Variants in SOCS4 observed in about 807,000 individuals in gnomAD.
SOCS4 encodes the protein SH2 domain containing SOCS box protein.
In SOCS4, 20 loss-of-function variants were observed where a neutral mutation model predicts 34.1. The ratio of observed to expected loss-of-function variants is 0.59; its 90% CI spans 0.41 to 0.85. The LOEUF (loss-of-function observed/expected upper bound fraction) is 0.85, where lower values mean the gene tolerates loss of function less well. SOCS4 is among the 40% of genes least tolerant of loss of function. SOCS4 has a pLI of 0.00. For missense variants in SOCS4, 479 were observed against 532.4 expected (o/e 0.90, Z 0.99); for synonymous variants, 180 against 186.4 (o/e 0.97, Z 0.28).
At position 55,047,490 on chromosome 14, in the gene SOCS4, A is replaced by G. The variant is rs1253637144; in HGVS notation, c.*3126A>G. ...ACCATGCCATTCACTTAAATAATTC[A>G]TGAAGGGAATGGTTTAATTTAAAGG... On this transcript the variant is annotated 3_prime_UTR_variant, in exon 3 of 3. Transcript: ENST00000555846. 1.2e-5 allele frequency: 2 copies of G among 167,132 alleles called. No individual in the cohort carries two copies. The highest frequency in any genetic ancestry group is 2.9e-5 in the Non-Finnish European group (2 of 68,104). The allele number at this position is 167,132 out of a possible 1,614,324, so 10.4% of individuals were successfully genotyped here. A position where few individuals can be genotyped will look rare whatever the true frequency, so the allele number is the denominator to read the frequency against.
chr14:55,046,307 A>C lies in SOCS4; in HGVS notation c.*1943A>C, dbSNP rs1462496280. The C allele has an allele frequency of 6.0e-6, 1 of 166,886 alleles. No homozygotes were observed. Among genetic ancestry groups the C allele is most frequent in the Admixed American group, 6.5e-5 (1 of 15,274 alleles). 10.3% of individuals were successfully genotyped at this position (166,886 alleles called of 1,614,324 possible). On this transcript the variant is annotated 3_prime_UTR_variant, in exon 3 of 3. Transcript: ENST00000555846. Reference sequence around the variant, plus strand: ...ATATCCATCTTTGGTGAAAGAAAATAGTGTGGTAAGAGTACCCATGATTAT... The same window carrying C: ...ATATCCATCTTTGGTGAAAGAAAATCGTGTGGTAAGAGTACCCATGATTAT...
chr14:55,044,367 A>C lies in SOCS4; in HGVS notation c.*3A>C. On this transcript the variant is annotated 3_prime_UTR_variant, in exon 3 of 3. Coordinates refer to ENST00000555846, the MANE Select transcript of SOCS4 (RefSeq NM_199421.2). ...ATGCACCAGAACAGCAATGCTAGTA[A>C]CAGGATGGGAACATGGGAATGATAA... 6.3e-7 allele frequency: 1 copy of C among 1,590,896 alleles called. No individual in the cohort carries two copies. The highest frequency in any genetic ancestry group is 8.6e-7 in the Non-Finnish European group (1 of 1,166,838).
chr14:55,040,698 C>T (rs2042609841), intron 2 of SOCS4, among the ~76,000 whole-genome samples: 1 of 151,738 alleles, frequency 6.6e-6, no homozygotes, highest in Non-Finnish European at 1.5e-5. Flanking sequence ...GAGTCGAGAT[C>T]ATGCCACTGC....
chr14:55,040,664 T>A (rs555567014), intron 2 of SOCS4, among the ~76,000 whole-genome samples: 1 of 151,746 alleles, frequency 6.6e-6, no homozygotes, highest in Non-Finnish European at 1.5e-5. Flanking sequence ...GAATGGCATG[T>A]ACCCGGGAGG....
Position 55,043,366 on chromosome 14 carries a change from A to G in SOCS4, c.325A>G (p.Ser109Gly), listed in dbSNP as rs1402386120. The change falls in exon 3 of 3, where the codon AGT becomes GGT. Residue 109 changes from serine (S) to glycine (G), a missense_variant. Transcript: ENST00000555846. ...VGQCFPIKNCSSRHSSGLPSK... is the reference protein window; with the variant it reads ...VGQCFPIKNCGSRHSSGLPSK... ...GCAGTGTTTTCCAATAAAGAATTGT[A>G]GTAGTCGGCACTCTTCAGGGCTTCC... 6 of 1,614,242 alleles carry G rather than the reference A, an allele frequency of 3.7e-6. No homozygotes were observed. Among genetic ancestry groups the G allele is most frequent in the Non-Finnish European group, 5.1e-6 (6 of 1,180,032 alleles).
chr14:55,027,926 G>T (rs2042483620), intron 1 of SOCS4, among the ~76,000 whole-genome samples: 1 of 152,190 alleles, frequency 6.6e-6, no homozygotes, highest in Admixed American at 6.5e-5. Flanking sequence ...ACTTACATTT[G>T]ATCCATGCAA....
At chr14:55,028,053 A>T (rs1331426625) in intron 1 of SOCS4, among the ~76,000 whole-genome samples, 1 of 152,200 alleles carries the variant, frequency 6.6e-6, no homozygotes, top group South Asian at 2.1e-4. Context: ...TTTCATTTGT[A>T]CTTATCTTTG....
In SOCS4 at chr14:55,035,009, C is replaced by T. The variant is rs149459050; in HGVS notation, c.-91+3018C>T. The stretch of plus-strand genomic sequence containing the variant: ...CCAAGTAGCTGGGACTACAGGTGCA[C>T]GCCACCACACCCGGCTAATTTTTGT... On this transcript the variant is annotated intron_variant, in intron 2 of 2. Transcript: ENST00000555846. Among the ~76,000 whole-genome samples the T allele has an allele frequency of 2.8e-3, 422 of 152,084 alleles. 2 individuals are homozygous for T. The highest frequency in any genetic ancestry group is 9.6e-3 in the African/African-American group (399 of 41,500).
chr14:55,028,788 T>C (rs1256116700), intron 1 of SOCS4, among the ~76,000 whole-genome samples: 1 of 152,142 alleles, frequency 6.6e-6, no homozygotes, highest in Non-Finnish European at 1.5e-5. Flanking sequence ...AGCCTCCGAG[T>C]TTAACAGTCC....
intron 2 of SOCS4, among the ~76,000 whole-genome samples, chr14:55,033,108 A>G (rs1469559590): frequency 2.0e-5 from 3 of 152,200 alleles, no homozygotes; most frequent in African/African-American, 7.2e-5. Flanking sequence ...TAAAATTTTA[A>G]GAATTAATGA....
At chr14:55,037,902 A>T (rs1191055291) in intron 2 of SOCS4, among the ~76,000 whole-genome samples, 1 of 152,192 alleles carries the variant, frequency 6.6e-6, no homozygotes, top group Non-Finnish European at 1.5e-5. Flanking sequence ...TGCTTTCTCC[A>T]AATTCTGTAT....
intron 2 of SOCS4, among the ~76,000 whole-genome samples, chr14:55,037,465 A>T (rs979398429): frequency 2.0e-5 from 3 of 151,446 alleles, no homozygotes; most frequent in Admixed American, 6.6e-5. Flanking sequence ...TTTCCAAAAA[A>T]ATTCTTATTC....
chr14:55,040,758 GTTA>G (rs909855596), intron 2 of SOCS4, among the ~76,000 whole-genome samples: 1 of 151,816 alleles, frequency 6.6e-6, no homozygotes, highest in East Asian at 1.9e-4. Context: ...AAAAAAGAGA[GTTA>G]TTATACTGTA....
chr14:55,031,064 G>A (rs2042524628), intron 1 of SOCS4, among the ~76,000 whole-genome samples: 1 of 151,996 alleles, frequency 6.6e-6, no homozygotes, highest in Non-Finnish European at 1.5e-5. Context: ...ATTATACAAT[G>A]AGCATATATT....
intron 2 of SOCS4, among the ~76,000 whole-genome samples, chr14:55,039,926 A>G (rs994395510): frequency 6.6e-6 from 1 of 152,210 alleles, no homozygotes; most frequent in African/African-American, 2.4e-5. Context: ...GAACACAGCT[A>G]GAGAGCTTAG....
Position 55,043,669 on chromosome 14 carries a change from A to G in SOCS4, c.628A>G (p.Met210Val). Residue 210 changes from methionine to valine, a missense_variant, in exon 3 of 3, where the codon ATG (methionine) becomes GTG (valine). Coordinates refer to ENST00000555846, the MANE Select transcript of SOCS4 (RefSeq NM_199421.2). Reference sequence around the variant, plus strand: ...CAATGCTTTGTGTAGAGAAGGTCCTATGACTGGCTCTGTGATGAACCTGGT... The same window carrying G: ...CAATGCTTTGTGTAGAGAAGGTCCTGTGACTGGCTCTGTGATGAACCTGGT... ...TDNALCREGP[M>V]TGSVMNLVSN... The G allele has an allele frequency of 1.9e-6, 3 of 1,614,192 alleles. No homozygotes were observed. Among genetic ancestry groups the G allele is most frequent in the Middle Eastern group, 1.6e-4 (1 of 6,062 alleles).
chr14:55,039,520 C>T (rs771568058), intron 2 of SOCS4, among the ~76,000 whole-genome samples: 9 of 152,192 alleles, frequency 5.9e-5, no homozygotes, highest in African/African-American at 9.7e-5. Flanking sequence ...TATAAGCAGA[C>T]TTAGTTGTTT....
intron 2 of SOCS4, among the ~76,000 whole-genome samples, chr14:55,035,064 T>C (rs953917548): frequency 6.6e-6 from 1 of 152,124 alleles, no homozygotes; most frequent in Admixed American, 6.5e-5. Context: ...TTTTGCCATG[T>C]TGGCGAGGCT....
rs1183978755 is a variant in SOCS4 at position 55,045,286 on chromosome 14, ACT to A, written c.*925_*926del. ...GCTTCTACTTAGCCCTTTTATAGAA[ACT>A]CTGAGCTGTTACTTTGGGGAAATTC... On this transcript the variant is annotated 3_prime_UTR_variant, in exon 3 of 3. Transcript: ENST00000555846. The A allele has an allele frequency of 2.4e-5, 4 of 166,836 alleles. No individual in the cohort carries two copies. Among genetic ancestry groups the A allele is most frequent in the Non-Finnish European group, 5.9e-5 (4 of 68,016 alleles). 10.3% of individuals were successfully genotyped at this position (166,836 alleles called of 1,614,324 possible). A position where few individuals can be genotyped will look rare whatever the true frequency, so the allele number is the denominator to read the frequency against.
Sources: allele counts gnomAD v4.1 joint callset (sites outside exome capture counted in the v4.1 genomes callset), GRCh38; gene constraint gnomAD v4.1.1; transcripts MANE v1.5; gene names NCBI Gene and HGNC (gene_info 2026-07-23, HGNC 2026-07-21).